LBR: variants seen among roughly 807,000 people sequenced by gnomAD.
LBR encodes the protein delta(14)-sterol reductase LBR.
LBR carries 28 observed loss-of-function variants against 74.3 expected under a neutral mutation model. The observed-to-expected ratio is 0.38, with a 90% CI of 0.28 to 0.52. The LOEUF (loss-of-function observed/expected upper bound fraction) is 0.52. LBR is among the 20% of genes least tolerant of loss of function. LBR has a pLI of 0.89. For synonymous variants in LBR, 228 were observed against 269.3 expected (o/e 0.85, Z 1.50); for missense variants, 717 against 760.3 (o/e 0.94, Z 0.67).
Position 225,423,913 on chromosome 1 carries a change from T to C in LBR, c.163A>G (p.Lys55Glu). The change falls in exon 2 of 14, where the codon AAG becomes GAG. Residue 55 changes from lysine to glutamate, a missense_variant and splice_region_variant. Coordinates refer to ENST00000272163, the MANE Select transcript of LBR (RefSeq NM_002296.4). ...TGATAAACCAAAGGAGCTCTTACCT[T>C]AATATCATTCTCTTTCAATTCAAGC... ...TELELKENDI[K>E]PLTSFRQRKG... is the part of the protein sequence containing the mutation. 1 of 1,612,838 alleles carries C rather than the reference T, an allele frequency of 6.2e-7. No homozygotes were observed. Among genetic ancestry groups the C allele is most frequent in the East Asian group, 2.2e-5 (1 of 44,878 alleles).
At chr1:225,421,961 C>CA in intron 3 of LBR, 116 bp downstream of exon 3, 1 of 1,027,976 alleles carries the variant, frequency 9.7e-7, no homozygotes. Context: ...CTCCCAAAGT[C>CA]ATCAACTTAG....
In LBR at chr1:225,403,249, T is replaced by G; in HGVS notation, c.*54A>C. 4 of 1,572,484 alleles carry G rather than the reference T, an allele frequency of 2.5e-6. No homozygotes were observed. Among genetic ancestry groups the G allele is most frequent in the Non-Finnish European group, 3.5e-6 (4 of 1,142,272 alleles). Reference sequence around the variant, plus strand: ...AAGTTTCGGATTTTTTTCCTTGTTTTTGCAAATGGCAGCTGGAATTGCAGG... The same window carrying G: ...AAGTTTCGGATTTTTTTCCTTGTTTGTGCAAATGGCAGCTGGAATTGCAGG... On this transcript the variant is annotated 3_prime_UTR_variant, in exon 14 of 14. Coordinates refer to ENST00000272163, the MANE Select transcript of LBR (RefSeq NM_002296.4).
chr1:225,425,946 C>T (rs1396468042), intron 1 of LBR, among the ~76,000 whole-genome samples: 1 of 152,234 alleles, frequency 6.6e-6, no homozygotes, highest in Non-Finnish European at 1.5e-5. Context: ...TGGCATCTTT[C>T]CATTGCACTT....
At chr1:225,421,278 G>A (rs943039377) in intron 3 of LBR, among the ~76,000 whole-genome samples, 2 of 152,238 alleles carry the variant, frequency 1.3e-5, no homozygotes, top group Non-Finnish European at 2.9e-5. Flanking sequence ...TGGATCACGA[G>A]GTCAGGAAAT....
chr1:225,406,824 C>A lies in LBR; in HGVS notation c.1323G>T (p.Leu441Phe). The change falls in exon 11 of 14, where the codon TTG becomes TTT. Residue 441 changes from leucine (L) to phenylalanine (F), a missense_variant. Transcript: ENST00000272163. ...CGTGGATGATGTCCATGGTCGTCAA[C>A]AACGCTTCCTATAAGGATACAGACG... ...VVDALWNEEA[L>F]LTTMDIIHDG... The A allele has an allele frequency of 6.2e-7, 1 of 1,614,142 alleles. No individual in the cohort carries two copies. The highest frequency in any genetic ancestry group is 8.5e-7 in the Non-Finnish European group (1 of 1,179,988).
intron 1 of LBR, among the ~76,000 whole-genome samples, chr1:225,424,832 C>T (rs988851790): frequency 1.3e-5 from 2 of 152,238 alleles, no homozygotes; most frequent in Non-Finnish European, 2.9e-5. Context: ...CTGCCACTTA[C>T]GTGAGGCCTG....
intron 5 of LBR, among the ~76,000 whole-genome samples, chr1:225,418,660 C>T (rs1300383438): frequency 6.6e-6 from 1 of 152,196 alleles, no homozygotes; most frequent in Admixed American, 6.5e-5. Flanking sequence ...GGCCAGCTAG[C>T]CAAAGGTTAT....
chr1:225,424,116 G>T (rs772033546), intron 1 of LBR, 27 bp from the exon 2 acceptor site: 4 of 1,526,954 alleles, frequency 2.6e-6, no homozygotes, highest in African/African-American at 2.7e-5. Flanking sequence ...AAAAAAATTT[G>T]AGTCAATACA....
intron 1 of LBR, among the ~76,000 whole-genome samples, chr1:225,426,211 T>C (rs889214131): frequency 6.6e-6 from 1 of 151,158 alleles, no homozygotes; most frequent in Non-Finnish European, 1.5e-5. Flanking sequence ...GCACCCCCAC[T>C]TTACACAAGA....
intron 3 of LBR, 69 bp downstream of exon 3, chr1:225,422,008 G>T: frequency 7.1e-7 from 1 of 1,407,702 alleles, no homozygotes; most frequent in Non-Finnish European, 1.0e-6. Flanking sequence ...ATTATTAACT[G>T]CAAGTAACTT....
At position 225,423,926 on chromosome 1, in the gene LBR, T is replaced by C; in HGVS notation, c.150A>G (p.Lys50=). Residue 50 remains lysine, a synonymous_variant, in exon 2 of 14, where the codon AAA becomes AAG. Coordinates refer to ENST00000272163, the MANE Select transcript of LBR (RefSeq NM_002296.4). ...GAGCTCTTACCTTAATATCATTCTC[T>C]TTCAATTCAAGCTCTGTTCCATCTT... The part of the protein sequence containing the change: ...KYKDGTELEL[K]ENDIKPLTSF... The C allele has an allele frequency of 3.7e-6, 6 of 1,613,808 alleles. No homozygotes were observed. The highest frequency in any genetic ancestry group is 5.1e-6 in the Non-Finnish European group (6 of 1,179,682).
intron 3 of LBR, among the ~76,000 whole-genome samples, chr1:225,421,440 C>G (rs1193099534): frequency 1.3e-5 from 2 of 152,240 alleles, no homozygotes; most frequent in African/African-American, 4.8e-5. Flanking sequence ...TTGCAGTGAG[C>G]TGAGATTGCG....
intron 1 of LBR, 27 bp downstream of exon 1, chr1:225,427,927 G>T (rs2096143799): frequency 6.6e-6 from 1 of 152,270 alleles, no homozygotes; most frequent in East Asian, 1.9e-4. Context: ...GGGGAGCTGG[G>T]AGCAGGGCGG....
rs567550669 is a variant in LBR at position 225,403,181 on chromosome 1, A to G, written c.*122T>C. 9.0e-5 allele frequency: 84 copies of G among 928,928 alleles called. No homozygotes were observed. The African/African-American group carries it at 1.3e-3, about 14-fold the overall frequency. The allele number at this position is 928,928 out of a possible 1,614,324, so 57.5% of individuals were successfully genotyped here. A position where few individuals can be genotyped will look rare whatever the true frequency, so the allele number is the denominator to read the frequency against. The stretch of plus-strand genomic sequence containing the variant: ...TACTCGGCTCCATAGTCCTGACTCA[A>G]AAAGAAAAAAAAAAGTACAGACCCT... On this transcript the variant is annotated 3_prime_UTR_variant, in exon 14 of 14. Coordinates refer to ENST00000272163, the MANE Select transcript of LBR (RefSeq NM_002296.4).
chr1:225,406,267 T>C (rs921886875), intron 11 of LBR, among the ~76,000 whole-genome samples: 1 of 152,146 alleles, frequency 6.6e-6, no homozygotes, highest in African/African-American at 2.4e-5. Flanking sequence ...CTCACACACC[T>C]CACAGCAAGG....
rs369086850 is a variant in LBR at position 225,417,992 on chromosome 1, T to C, written c.829A>G (p.Ile277Val). 6.2e-6 allele frequency: 10 copies of C among 1,613,946 alleles called. No individual in the cohort carries two copies. The highest frequency in any genetic ancestry group is 7.6e-6 in the Non-Finnish European group (9 of 1,179,834). ...AATTACCATAAACGTACCTTTCCAA[T>C]TGGCAGTAGGTAGAACAGGACTTGA... ...LIQVLFYLLP[I>V]GKVVEGTPLI... Residue 277 changes from isoleucine (I) to valine (V), a missense_variant, in exon 6 of 14, where the codon ATT becomes GTT. Transcript: ENST00000272163.
rs760963768 is a variant in LBR, at chr1:225,422,175, GTCGACCAGGGGA to G, written c.256_267del (p.Ser86_Arg89del). 1.7e-4 allele frequency: 281 copies of G among 1,613,892 alleles called. No homozygotes were observed. Among genetic ancestry groups the G allele is most frequent in the Non-Finnish European group, 2.3e-4 (269 of 1,180,034 alleles). The stretch of plus-strand genomic sequence containing the variant: ...GCAGATCGGCGGGCACTTTTAGGTG[GTCGACCAGGGGA>G]TCGGGAGCGTGACCTTGATCGACTC... On this transcript the variant is annotated inframe_deletion, in exon 3 of 14. Transcript: ENST00000272163.
At chr1:225,416,895 A>G (rs1282976628) in intron 6 of LBR, among the ~76,000 whole-genome samples, 1 of 152,168 alleles carries the variant, frequency 6.6e-6, no homozygotes, top group African/African-American at 2.4e-5. Flanking sequence ...ATACTATACT[A>G]TTTCTTATCA....
At chr1:225,412,777 C>G in intron 7 of LBR, 132 bp from the exon 8 acceptor site, 2 of 780,864 alleles carry the variant, frequency 2.6e-6, no homozygotes, top group East Asian at 2.7e-5. Flanking sequence ...TAAATACACA[C>G]AAATATGCAA....
Sources: gnomAD v4.1 joint callset for allele counts (sites outside exome capture counted in the v4.1 genomes callset) on GRCh38, gnomAD v4.1.1 for gene constraint, MANE v1.5 for transcripts, NCBI Gene and HGNC (gene_info 2026-07-23, HGNC 2026-07-21) for gene names.